The following THSD4 variants were observed in gnomAD, a reference collection of about 807,000 sequenced individuals.
THSD4 encodes the protein thrombospondin type-1 domain-containing protein 4.
THSD4 carries 69 observed loss-of-function variants against 119.0 expected under a neutral mutation model. That is an observed-to-expected ratio of 0.58 (90% CI 0.48 to 0.71). The LOEUF is 0.71. Among genes scored for constraint, THSD4 ranks in the 30% least tolerant of loss-of-function variants. The pLI, the probability that THSD4 is intolerant of heterozygous loss-of-function variation, is 0.00. For synonymous variants in THSD4, 524 were observed against 540.4 expected (o/e 0.97, Z 0.42); for missense variants, 1,393 against 1,391.1 (o/e 1.00, Z -0.02).
chr15:71,692,052 C>T (rs1384969676), intron 8 of THSD4, among the ~76,000 whole-genome samples: 1 of 152,220 alleles, frequency 6.6e-6, no homozygotes, highest in African/African-American at 2.4e-5. Flanking sequence ...CAAGTAATCA[C>T]ATGGGTGTGT....
chr15:71,243,389 A>G (rs1381223044), intron 5 of THSD4, among the ~76,000 whole-genome samples: 4 of 152,190 alleles, frequency 2.6e-5, no homozygotes, highest in African/African-American at 9.7e-5. Flanking sequence ...CAACCTCCAA[A>G]TTCTCAGTGA....
intron 6 of THSD4, among the ~76,000 whole-genome samples, chr15:71,314,302 T>A (rs1186768563): frequency 6.6e-6 from 1 of 152,008 alleles, no homozygotes; most frequent in Non-Finnish European, 1.5e-5. Flanking sequence ...AATATTATAT[T>A]TTTATTCTTT....
intron 1 of THSD4, among the ~76,000 whole-genome samples, chr15:71,121,248 A>G (rs1005575194): frequency 2.0e-5 from 3 of 152,142 alleles, no homozygotes; most frequent in African/African-American, 7.2e-5. Flanking sequence ...TGGCTCTACC[A>G]AGTTTTGGGC....
intron 6 of THSD4, among the ~76,000 whole-genome samples, chr15:71,308,937 TG>T (rs2045072415): frequency 6.6e-6 from 1 of 152,158 alleles, no homozygotes. Context: ...GTCATCCTAG[TG>T]GGGAGTGAAG....
At chr15:71,114,040 T>G (rs1433531777), upstream of THSD4, among the ~76,000 whole-genome samples, 2 of 152,118 alleles carry the variant, frequency 1.3e-5, no homozygotes, top group Non-Finnish European at 2.9e-5. Context: ...TCTAATCCCA[T>G]TTACACCAGG....
At chr15:71,544,478 A>T (rs2048806932) in intron 7 of THSD4, among the ~76,000 whole-genome samples, 1 of 152,166 alleles carries the variant, frequency 6.6e-6, no homozygotes, top group Admixed American at 6.5e-5. Flanking sequence ...ACCCATTAAG[A>T]TGGTTATTGT....
intron 7 of THSD4, among the ~76,000 whole-genome samples, chr15:71,569,623 G>A (rs1458217959): frequency 1.3e-5 from 2 of 152,210 alleles, no homozygotes; most frequent in Admixed American, 6.5e-5. Context: ...AACTAGAGAT[G>A]TGTCAAAAAT....
rs573783637 is a variant in THSD4, at chr15:71,760,610, C to T, written c.2589+2535C>T. ...CTGCAACCTTAGATTGTCTTAGTTC[C>T]GGGGAGATCTGTCACAGTCTCTAGT... On this transcript the variant is annotated intron_variant, in intron 15 of 17. Coordinates refer to ENST00000261862, the MANE Select transcript of THSD4 (RefSeq NM_024817.3). Among the ~76,000 whole-genome samples the T allele has an allele frequency of 7.4e-4, 112 of 152,246 alleles. 1 individual carries two copies. Among genetic ancestry groups the T allele is most frequent in the Middle Eastern group, 6.8e-3 (2 of 294 alleles).
chr15:71,755,533 G>T (rs1404172559), intron 14 of THSD4, among the ~76,000 whole-genome samples: 1 of 152,082 alleles, frequency 6.6e-6, no homozygotes, highest in East Asian at 1.9e-4. Flanking sequence ...ATGTGCTAAA[G>T]GGCCACGTCT....
intron 8 of THSD4, among the ~76,000 whole-genome samples, chr15:71,669,216 C>A (rs1441731739): frequency 2.0e-5 from 3 of 152,074 alleles, no homozygotes; most frequent in African/African-American, 7.2e-5. Flanking sequence ...TTTGCATTTT[C>A]CTGACCACTA....
At chr15:71,242,558 C>T (rs1007265547) in intron 4 of THSD4, 91 bp from the exon 5 acceptor site, 1 of 1,375,184 alleles carries the variant, frequency 7.3e-7, no homozygotes, top group Non-Finnish European at 1.0e-6. Flanking sequence ...TCCGTTCCTA[C>T]CTGGTCCTCT....
chr15:71,530,947 G>A (rs2048601191), intron 7 of THSD4, among the ~76,000 whole-genome samples: 1 of 151,966 alleles, frequency 6.6e-6, no homozygotes, highest in African/African-American at 2.4e-5. Flanking sequence ...ATGGGGGGCG[G>A]GGGCATTGAC....
chr15:71,457,107 G>A (rs757227971), intron 7 of THSD4, among the ~76,000 whole-genome samples: 10 of 152,112 alleles, frequency 6.6e-5, no homozygotes, highest in African/African-American at 9.7e-5. Flanking sequence ...TGTGCGAGGC[G>A]CAGTGGCTCA....
intron 7 of THSD4, among the ~76,000 whole-genome samples, chr15:71,590,624 TG>T (rs2049778367): frequency 1.1e-5 from 1 of 88,500 alleles, no homozygotes; most frequent in East Asian, 3.1e-4. Context: ...ACCTGGGTGA[TG>T]GGATGATCTG....
At chr15:71,216,548 G>C (rs968094904) in intron 4 of THSD4, among the ~76,000 whole-genome samples, 3 of 152,218 alleles carry the variant, frequency 2.0e-5, no homozygotes, top group African/African-American at 7.2e-5. Context: ...TCGGGAAGAA[G>C]GGTTCTTCAG....
At chr15:71,366,584 T>C (rs988970459) in intron 6 of THSD4, among the ~76,000 whole-genome samples, 2 of 152,186 alleles carry the variant, frequency 1.3e-5, no homozygotes, top group Non-Finnish European at 2.9e-5. Flanking sequence ...TTTTTCCCAA[T>C]GGCCCGCACT....
chr15:71,492,252 GTTTAT>G (rs1018265177), intron 7 of THSD4, among the ~76,000 whole-genome samples: 3 of 151,732 alleles, frequency 2.0e-5, no homozygotes, highest in Admixed American at 1.3e-4. Context: ...CTTAGGTTTT[GTTTAT>G]TTTATTTATT....
intron 7 of THSD4, among the ~76,000 whole-genome samples, chr15:71,640,683 A>G (rs2050840445): frequency 6.6e-6 from 1 of 152,088 alleles, no homozygotes; most frequent in African/African-American, 2.4e-5. Flanking sequence ...TTAAGTGTAA[A>G]AATCCATCCC....
In THSD4 at chr15:71,778,794, T is replaced by G. The variant is rs1034427823; in HGVS notation, c.*1420T>G. On this transcript the variant is annotated 3_prime_UTR_variant, in exon 18 of 18. Transcript: ENST00000261862. ...CCTTCCCCATCTCTTCCAATTCACT[T>G]TCCCCAACTATCCAGTTCCAGAGGC... is the stretch of plus-strand genomic sequence containing the variant. 2.6e-5 allele frequency: 4 copies of G among 152,208 alleles called. No individual in the cohort carries two copies. The highest frequency in any genetic ancestry group is 9.7e-5 in the African/African-American group (4 of 41,436). The allele number at this position is 152,208 out of a possible 1,614,324, so 9.4% of individuals were successfully genotyped here.
Sources: allele counts gnomAD v4.1 joint callset (sites outside exome capture counted in the v4.1 genomes callset), GRCh38; gene constraint gnomAD v4.1.1; transcripts MANE v1.5; gene names NCBI Gene and HGNC (gene_info 2026-07-23, HGNC 2026-07-21).